Variants in SSU72 observed in about 807,000 individuals in gnomAD.
SSU72 encodes SSU72 homolog, RNA polymerase II CTD phosphatase.
Under a neutral mutation model 22.7 loss-of-function variants are expected in SSU72, and 12 were observed. The ratio of observed to expected loss-of-function variants is 0.53; its 90% CI spans 0.34 to 0.86. SSU72 has a LOEUF of 0.86. Ranked by LOEUF, SSU72 falls within the 40% of genes least tolerant of loss-of-function variation. SSU72 has a pLI of 0.02. For synonymous variants in SSU72, 116 were observed against 98.3 expected (o/e 1.18, Z -1.06); for missense variants, 151 against 249.8 (o/e 0.60, Z 2.67).
intron 2 of SSU72, among the ~76,000 whole-genome samples, chr1:1,555,429 C>T (rs1385946372): frequency 1.3e-5 from 2 of 152,118 alleles, no homozygotes; most frequent in East Asian, 1.9e-4. Context: ...AGTGGCACCT[C>T]GGCCAAGAAA....
chr1:1,545,297 T>G, intron 2 of SSU72: 1 of 378,270 alleles, frequency 2.6e-6, no homozygotes. Flanking sequence ...TGACACCTTC[T>G]ACCCAGACCT....
At chr1:1,566,615 G>A (rs1642664892) in intron 1 of SSU72, among the ~76,000 whole-genome samples, 1 of 152,184 alleles carries the variant, frequency 6.6e-6, no homozygotes, top group African/African-American at 2.4e-5. Context: ...CAATTTGGGA[G>A]GCCGAGGTGG....
Position 1,574,728 on chromosome 1 carries a change from G to A in SSU72, c.-171C>T. 1 of 485,912 alleles carries A rather than the reference G, an allele frequency of 2.1e-6. No individual in the cohort carries two copies. The highest frequency in any genetic ancestry group is 4.9e-5 in the Admixed American group (1 of 20,502). The allele number at this position is 485,912 out of a possible 1,614,324, so 30.1% of individuals were successfully genotyped here. On this transcript the variant is annotated 5_prime_UTR_variant, in exon 1 of 5. Transcript: ENST00000291386. Reference sequence around the variant, plus strand: ...GGCGGCCTCCCCGCCCACCCTGGGCGCCGGGCCGCGGACGGAGCGCAGGCA... The same window carrying A: ...GGCGGCCTCCCCGCCCACCCTGGGCACCGGGCCGCGGACGGAGCGCAGGCA...
intron 2 of SSU72, among the ~76,000 whole-genome samples, chr1:1,547,980 G>A (rs1642411980): frequency 6.6e-6 from 1 of 152,226 alleles, no homozygotes; most frequent in African/African-American, 2.4e-5. Context: ...GGGCAAGAAG[G>A]CGACACCAGG....
At chr1:1,544,355 C>T (rs1441303535) in intron 3 of SSU72, among the ~76,000 whole-genome samples, 1 of 152,296 alleles carries the variant, frequency 6.6e-6, no homozygotes, top group Non-Finnish European at 1.5e-5. Flanking sequence ...CGGTGGCTCT[C>T]GCCTGTGATC....
intron 2 of SSU72, among the ~76,000 whole-genome samples, chr1:1,551,128 A>G (rs1642451052): frequency 6.6e-6 from 1 of 152,196 alleles, no homozygotes; most frequent in African/African-American, 2.4e-5. Flanking sequence ...CAAAGCCTAA[A>G]GCACACACTG....
chr1:1,573,429 C>CAAAAAAAAAA (rs56930035), intron 1 of SSU72, among the ~76,000 whole-genome samples: 7 of 107,568 alleles, frequency 6.5e-5, no homozygotes, highest in South Asian at 2.4e-4. Flanking sequence ...GACTCTGTCT[C>CAAAAAAAAAA]AAAAAAAAAA....
At position 1,574,692 on chromosome 1, in the gene SSU72, G is replaced by A; in HGVS notation, c.-135C>T. 2 of 855,738 alleles carry A rather than the reference G, an allele frequency of 2.3e-6. No homozygotes were observed. Among genetic ancestry groups the A allele is most frequent in the Non-Finnish European group, 3.3e-6 (2 of 609,616 alleles). 53.0% of individuals were successfully genotyped at this position (855,738 alleles called of 1,614,324 possible). On this transcript the variant is annotated 5_prime_UTR_variant, in exon 1 of 5. Transcript: ENST00000291386. ...CGACGGCGCCGGCGGTGTAGCGTGC[G>A]GCGACTGCGCGGCGGCCTCCCCGCC...
rs1186298952 is a variant in SSU72 at position 1,569,175 on chromosome 1, AAAAAT to A, written c.81-4264_81-4260del. Among the ~76,000 whole-genome samples the A allele has an allele frequency of 6.6e-5, 10 of 152,278 alleles. No homozygotes were observed. The East Asian group carries it at 1.7e-3, about 26-fold the overall frequency. On this transcript the variant is annotated intron_variant, in intron 1 of 4. Coordinates refer to ENST00000291386, the MANE Select transcript of SSU72 (RefSeq NM_014188.3). ...GGCGACAGAATGAGACTCCGTCTCA[AAAAAT>A]AAAATAAAAGAAAAAAACAAAAAAA...
At chr1:1,545,202 C>A in intron 2 of SSU72, 200 bp from the exon 3 acceptor site, 1 of 603,900 alleles carries the variant, frequency 1.7e-6, no homozygotes, top group Non-Finnish European at 2.9e-6. Context: ...ACAAAGTGGG[C>A]GATGGCAGGT....
chr1:1,558,203 T>C (rs1158397318), intron 2 of SSU72, among the ~76,000 whole-genome samples: 1 of 52,270 alleles, frequency 1.9e-5, no homozygotes, highest in South Asian at 1.2e-3. Context: ...TCTGTCTCAA[T>C]TAAAAAAAAA....
intron 1 of SSU72, among the ~76,000 whole-genome samples, chr1:1,572,157 G>A (rs549853934): frequency 2.0e-5 from 3 of 149,252 alleles, no homozygotes; most frequent in African/African-American, 7.3e-5. Context: ...GCCAGGCGCA[G>A]TAGCTCACGC....
chr1:1,541,838 G>A lies in SSU72; in HGVS notation c.*228C>T. 1 of 531,606 alleles carries A rather than the reference G, an allele frequency of 1.9e-6. No homozygotes were observed. Among genetic ancestry groups the A allele is most frequent in the Non-Finnish European group, 3.4e-6 (1 of 294,956 alleles). 32.9% of individuals were successfully genotyped at this position (531,606 alleles called of 1,614,324 possible). On this transcript the variant is annotated 3_prime_UTR_variant, in exon 5 of 5. Coordinates refer to ENST00000291386, the MANE Select transcript of SSU72 (RefSeq NM_014188.3). ...CCGTTGTCTTTCCTTTTTGGTTAAAGAAGAAAAACTTTGTAATCAATATCC... is the reference window on the plus strand; with the variant it reads ...CCGTTGTCTTTCCTTTTTGGTTAAAAAAGAAAAACTTTGTAATCAATATCC...
rs552168475 is a variant in SSU72 at position 1,571,305 on chromosome 1, C to A, written c.80+3173G>T. On this transcript the variant is annotated intron_variant, in intron 1 of 4. Transcript: ENST00000291386. The stretch of plus-strand genomic sequence containing the variant: ...AAAGTTAGCTGGGAGTGGTGGCAGG[C>A]GCCTGTAGTCCCAGCTACTCGGAGG... Among the ~76,000 whole-genome samples the A allele has an allele frequency of 7.8e-5, 11 of 140,380 alleles. No individual in the cohort carries two copies. The South Asian group carries it at 2.5e-3, about 32-fold the overall frequency. The allele number at this position is 140,380 out of a possible 152,430, so 92.1% of individuals were successfully genotyped here.
At chr1:1,573,518 G>A (rs910873230) in intron 1 of SSU72, among the ~76,000 whole-genome samples, 10 of 151,944 alleles carry the variant, frequency 6.6e-5, no homozygotes, top group Admixed American at 2.6e-4. Flanking sequence ...GATTTTTGGG[G>A]GGTGTTTTTT....
chr1:1,572,284 C>T (rs1256587504), intron 1 of SSU72, among the ~76,000 whole-genome samples: 1 of 140,552 alleles, frequency 7.1e-6, no homozygotes, highest in Non-Finnish European at 1.5e-5. Flanking sequence ...AAAAATTAGC[C>T]GGGCGTGGTG....
At chr1:1,570,360 G>A (rs768800885) in intron 1 of SSU72, among the ~76,000 whole-genome samples, 5 of 151,186 alleles carry the variant, frequency 3.3e-5, no homozygotes, top group East Asian at 1.9e-4. Context: ...CTAGAAAACC[G>A]AGACATGGAA....
Position 1,545,063 on chromosome 1 carries a change from C to T in SSU72, c.225-61G>A, listed in dbSNP as rs997331364. 1.3e-5 allele frequency: 21 copies of T among 1,571,806 alleles called. No individual in the cohort carries two copies. The African/African-American group carries it at 2.6e-4, about 19-fold the overall frequency. On this transcript the variant is annotated intron_variant, in intron 2 of 4. Coordinates refer to ENST00000291386, the MANE Select transcript of SSU72 (RefSeq NM_014188.3). ...CATCTGTGTATGAAGCCTGGAAGCGCCTGTGTCCTGGACACCCAGCCCCTT... is the reference window on the plus strand; with the variant it reads ...CATCTGTGTATGAAGCCTGGAAGCGTCTGTGTCCTGGACACCCAGCCCCTT...
chr1:1,572,080 C>T, intron 1 of SSU72, among the ~76,000 whole-genome samples: 1 of 149,954 alleles, frequency 6.7e-6, no homozygotes, highest in East Asian at 2.0e-4. Flanking sequence ...CAGGCGTGAG[C>T]CACCGCGCCC....
Sources: gnomAD v4.1 joint callset for allele counts (sites outside exome capture counted in the v4.1 genomes callset) on GRCh38, gnomAD v4.1.1 for gene constraint, MANE v1.5 for transcripts, NCBI Gene and HGNC (gene_info 2026-07-23, HGNC 2026-07-21) for gene names.